CARMIL1: variants seen among roughly 807,000 people sequenced by gnomAD.
CARMIL1 encodes the protein capping protein regulator and myosin 1 linker 1, also known as F-actin-uncapping protein LRRC16A.
Under a neutral mutation model 177.1 loss-of-function variants are expected in CARMIL1, and 90 were observed. That is an observed-to-expected ratio of 0.51 (90% CI 0.43 to 0.61). The LOEUF is 0.61. Ranked by LOEUF, CARMIL1 falls within the 20% of genes least tolerant of loss-of-function variation. The pLI is 0.00. For missense variants in CARMIL1, 1,380 were observed against 1,667.0 expected, an observed-to-expected ratio of 0.83 and a Z score of 3.00; for synonymous variants, 577 against 606.2, an observed-to-expected ratio of 0.95 and a Z score of 0.71.
At chr6:25,559,679 A>G (rs1810939667) in intron 29 of CARMIL1, among the ~76,000 whole-genome samples, 1 of 152,236 alleles carries the variant, frequency 6.6e-6, no homozygotes, top group Non-Finnish European at 1.5e-5. Flanking sequence ...TATGAATTCC[A>G]AAGGAACTTT....
At chr6:25,311,841 G>A (rs1031684398) in intron 2 of CARMIL1, among the ~76,000 whole-genome samples, 3 of 152,158 alleles carry the variant, frequency 2.0e-5, no homozygotes, top group African/African-American at 7.2e-5. Context: ...GATCTCCAAG[G>A]TGATTTTGAA....
At chr6:25,520,077 G>T (rs369349417) in intron 22 of CARMIL1, among the ~76,000 whole-genome samples, 167 bp from the exon 23 acceptor site, 1 of 152,172 alleles carries the variant, frequency 6.6e-6, no homozygotes, top group Non-Finnish European at 1.5e-5. Flanking sequence ...TGCACATGTG[G>T]TTATTACAAA....
At chr6:25,286,047 A>AC (rs1554150058) in intron 2 of CARMIL1, among the ~76,000 whole-genome samples, 7 of 151,794 alleles carry the variant, frequency 4.6e-5, no homozygotes, top group African/African-American at 1.5e-4. Flanking sequence ...AATTTTGTTT[A>AC]TTTTTTGTAG....
At chr6:25,287,081 A>C (rs2150133254) in intron 2 of CARMIL1, among the ~76,000 whole-genome samples, 1 of 152,370 alleles carries the variant, frequency 6.6e-6, no homozygotes, top group Non-Finnish European at 1.5e-5. Context: ...TTTCTTTGAC[A>C]GGCTTCAAGT....
chr6:25,420,390 T>C (rs1427391880), intron 3 of CARMIL1: 1 of 516,388 alleles, frequency 1.9e-6, no homozygotes, highest in African/African-American at 1.9e-5. Context: ...AAGGCTGTAA[T>C]GAGAAACATA....
chr6:25,488,756 C>T (rs1177207247), intron 13 of CARMIL1, among the ~76,000 whole-genome samples, 171 bp downstream of exon 13: 1 of 152,078 alleles, frequency 6.6e-6, no homozygotes, highest in Non-Finnish European at 1.5e-5. Flanking sequence ...CCAGAGCATT[C>T]GTTAATTAAA....
intron 2 of CARMIL1, among the ~76,000 whole-genome samples, chr6:25,373,237 T>C (rs960090076): frequency 1.3e-5 from 2 of 152,042 alleles, no homozygotes; most frequent in African/African-American, 4.8e-5. Flanking sequence ...TGTTATATCC[T>C]TTCCTGGTTT....
intron 2 of CARMIL1, among the ~76,000 whole-genome samples, chr6:25,416,783 T>C (rs1795390365): frequency 6.6e-6 from 1 of 152,160 alleles, no homozygotes; most frequent in Non-Finnish European, 1.5e-5. Context: ...GGACCTGCTG[T>C]CAGATAATAT....
At chr6:25,479,142 C>T (rs1801855812) in intron 11 of CARMIL1, 3 of 518,984 alleles carry the variant, frequency 5.8e-6, no homozygotes, top group Non-Finnish European at 7.7e-6. Context: ...AGAATGTTCC[C>T]ACCGTTCTCC....
chr6:25,511,322 G>T (rs1052147627), intron 20 of CARMIL1, among the ~76,000 whole-genome samples: 1 of 152,096 alleles, frequency 6.6e-6, no homozygotes, highest in South Asian at 2.1e-4. Flanking sequence ...ATCTTATTTT[G>T]CTGTCCTTGA....
At chr6:25,459,769 T>C (rs1799975721) in intron 8 of CARMIL1, among the ~76,000 whole-genome samples, 1 of 152,194 alleles carries the variant, frequency 6.6e-6, no homozygotes. Flanking sequence ...TAAGATGTTT[T>C]TGCTACCATT....
chr6:25,620,089 A>G lies in CARMIL1; in HGVS notation c.*506A>G, dbSNP rs1759624191. ...GTATGCAATTGCACATTGTAATTAT[A>G]TTAACAGAGCACACTAATAATTTGT... On this transcript the variant is annotated 3_prime_UTR_variant, in exon 37 of 37. Transcript: ENST00000329474. 6.5e-6 allele frequency: 1 copy of G among 152,744 alleles called. No homozygotes were observed. Among genetic ancestry groups the G allele is most frequent in the Non-Finnish European group, 1.5e-5 (1 of 68,130 alleles). The allele number at this position is 152,744 out of a possible 1,614,324, so 9.5% of individuals were successfully genotyped here. A position where few individuals can be genotyped will look rare whatever the true frequency, so the allele number is the denominator to read the frequency against.
At position 25,482,239 on chromosome 6, in the gene CARMIL1, T is replaced by A; in HGVS notation, c.875-18T>A. 2.2e-6 allele frequency: 3 copies of A among 1,346,734 alleles called. No homozygotes were observed. Among genetic ancestry groups the A allele is most frequent in the Non-Finnish European group, 3.1e-6 (3 of 958,608 alleles). 83.4% of individuals were successfully genotyped at this position (1,346,734 alleles called of 1,614,324 possible). On this transcript the variant is annotated intron_variant, in intron 11 of 36. Transcript: ENST00000329474. ...CTGAGAACTTGAAAATTCTAATCGC[T>A]TCTTTTTCCTTTCTCAGGTGTGTCC...
intron 2 of CARMIL1, among the ~76,000 whole-genome samples, chr6:25,345,048 C>T (rs1450750599): frequency 3.3e-5 from 5 of 152,146 alleles, no homozygotes; most frequent in Non-Finnish European, 7.3e-5. Flanking sequence ...TCTCCCCTCC[C>T]ATTCTATCCT....
At chr6:25,357,076 G>GT (rs35891455) in intron 2 of CARMIL1, among the ~76,000 whole-genome samples, 21,077 of 131,030 alleles carry the variant, frequency 0.16, 1,640 homozygotes, top group African/African-American at 0.21. Context: ...AAGTCATTGT[G>GT]TTTTTTTTTT....
intron 8 of CARMIL1, among the ~76,000 whole-genome samples, chr6:25,453,822 A>G (rs1359795209): frequency 6.6e-6 from 1 of 152,198 alleles, no homozygotes; most frequent in Non-Finnish European, 1.5e-5. Flanking sequence ...TCCTTGGAGA[A>G]CATCTGGCCT....
chr6:25,551,121 G>A (rs1810060284), intron 27 of CARMIL1, 36 bp downstream of exon 27: 1 of 1,552,474 alleles, frequency 6.4e-7, no homozygotes. Flanking sequence ...AGGAGCTGCA[G>A]TTTCTGTAAA....
At chr6:25,454,124 G>A (rs1044060314) in intron 8 of CARMIL1, among the ~76,000 whole-genome samples, 1 of 152,178 alleles carries the variant, frequency 6.6e-6, no homozygotes, top group Non-Finnish European at 1.5e-5. Context: ...TTCCTTAGTT[G>A]GAGAATTTTC....
chr6:25,429,121 C>T (rs927902101), intron 4 of CARMIL1, among the ~76,000 whole-genome samples: 1 of 152,136 alleles, frequency 6.6e-6, no homozygotes, highest in East Asian at 1.9e-4. Context: ...CTTCTCTTTG[C>T]CCAGGCTATT....
Sources: gnomAD v4.1 joint callset for allele counts (sites outside exome capture counted in the v4.1 genomes callset) on GRCh38, gnomAD v4.1.1 for gene constraint, MANE v1.5 for transcripts, NCBI Gene and HGNC (gene_info 2026-07-23, HGNC 2026-07-21) for gene names.